Variants in B3GALT5 observed in about 807,000 individuals in gnomAD.
The protein encoded by B3GALT5 is UDP-Gal:betaGlcNAc beta 1,3-galactosyltransferase, polypeptide 5.
For synonymous variants in B3GALT5, 156 were observed against 158.6 expected (o/e 0.98, Z 0.12); for missense variants, 328 against 396.6 (o/e 0.83, Z 1.47).
At chr21:39,655,740 A>G (rs2079436570) in intron 2 of B3GALT5, among the ~76,000 whole-genome samples, 1 of 152,154 alleles carries the variant, frequency 6.6e-6, no homozygotes, top group South Asian at 2.1e-4. Flanking sequence ...CCTCTGAGAA[A>G]GCCCAGGCCT....
rs908936982 is a variant in B3GALT5, at chr21:39,662,940, A to G, written c.*1448A>G. 4 of 162,108 alleles carry G rather than the reference A, an allele frequency of 2.5e-5. No homozygotes were observed. Among genetic ancestry groups the G allele is most frequent in the Admixed American group, 1.3e-4 (2 of 15,286 alleles). 10.0% of individuals were successfully genotyped at this position (162,108 alleles called of 1,614,324 possible). ...TGCAAAATGGTTTTGACCATGTTCA[A>G]TTGCAAAAGTACGTCTGATATCCTA... On this transcript the variant is annotated 3_prime_UTR_variant, in exon 4 of 4. Coordinates refer to ENST00000684187, the MANE Select transcript of B3GALT5 (RefSeq NM_001356336.2).
chr21:39,621,822 A>G (rs2123685876), intron 1 of B3GALT5, among the ~76,000 whole-genome samples: 1 of 151,720 alleles, frequency 6.6e-6, no homozygotes, highest in East Asian at 1.9e-4. Flanking sequence ...GTAAAGTTTT[A>G]TTTGCTTTAT....
rs185880165 is a variant in B3GALT5 at position 39,671,415 on chromosome 21, A to T, written c.*9923A>T. The T allele has an allele frequency of 1.3e-5, 2 of 152,284 alleles. No individual in the cohort carries two copies. The highest frequency in any genetic ancestry group is 2.9e-5 in the Non-Finnish European group (2 of 68,034). 9.4% of individuals were successfully genotyped at this position (152,284 alleles called of 1,614,324 possible). On this transcript the variant is annotated 3_prime_UTR_variant, in exon 4 of 4. Transcript: ENST00000684187. ...TCCTCTCTCTGTTTGGGTCTCTGGC[A>T]TGGTGCCTGCTGGAGAGTAGATACT...
At chr21:39,639,375 C>T (rs1232469291) in intron 1 of B3GALT5, among the ~76,000 whole-genome samples, 7 of 121,494 alleles carry the variant, frequency 5.8e-5, no homozygotes, top group African/African-American at 1.6e-4. Context: ...TCCTTCCTTC[C>T]TTCCTTCCTT....
intron 2 of B3GALT5, chr21:39,657,909 C>G: frequency 8.1e-7 from 1 of 1,231,566 alleles, no homozygotes. Flanking sequence ...GCTTCTGTAG[C>G]ACAGATAGTG....
chr21:39,619,975 T>C (rs1414910896), intron 1 of B3GALT5, among the ~76,000 whole-genome samples: 2 of 152,134 alleles, frequency 1.3e-5, no homozygotes, highest in Non-Finnish European at 2.9e-5. Context: ...GTGTGGCCAA[T>C]TTTTATATTT....
chr21:39,616,720 A>G (rs1169983949), intron 1 of B3GALT5, among the ~76,000 whole-genome samples: 1 of 152,122 alleles, frequency 6.6e-6, no homozygotes, highest in Non-Finnish European at 1.5e-5. Context: ...GATACAGTTT[A>G]TCAGCTTTTC....
chr21:39,647,135 A>G (rs2079348236), intron 2 of B3GALT5, among the ~76,000 whole-genome samples: 1 of 152,140 alleles, frequency 6.6e-6, no homozygotes, highest in Non-Finnish European at 1.5e-5. Flanking sequence ...AAAACTCCAC[A>G]CAGCTGAAAG....
At chr21:39,615,523 G>A (rs909282290) in intron 1 of B3GALT5, among the ~76,000 whole-genome samples, 1 of 152,170 alleles carries the variant, frequency 6.6e-6, no homozygotes, top group Non-Finnish European at 1.5e-5. Context: ...AAGTCGTTTG[G>A]GACCAAGTTG....
At position 39,619,160 on chromosome 21, in the gene B3GALT5, G is replaced by A. The variant is rs1023616187; in HGVS notation, c.-392+6093G>A. Among the ~76,000 whole-genome samples, 4 of 152,078 alleles carry A rather than the reference G, an allele frequency of 2.6e-5. No homozygotes were observed. The South Asian group carries it at 8.3e-4, about 32-fold the overall frequency. On this transcript the variant is annotated intron_variant, in intron 1 of 3. Coordinates refer to ENST00000684187, the MANE Select transcript of B3GALT5 (RefSeq NM_001356336.2). ...ATAATGAGATACCATAGACTGGATG[G>A]CTAAACAACATAAAATTATTTTCTC...
At position 39,666,923 on chromosome 21, in the gene B3GALT5, C is replaced by A. The variant is rs538450118; in HGVS notation, c.*5431C>A. 1.3e-5 allele frequency: 2 copies of A among 152,320 alleles called. No individual in the cohort carries two copies. Among genetic ancestry groups the A allele is most frequent in the African/African-American group, 4.8e-5 (2 of 41,468 alleles). 9.4% of individuals were successfully genotyped at this position (152,320 alleles called of 1,614,324 possible). ...CGAGCCACCTCCTCCTAACTGGTCCCACGGGCCTGTCCCTGCCACTTTCCA... is the reference window on the plus strand; with the variant it reads ...CGAGCCACCTCCTCCTAACTGGTCCAACGGGCCTGTCCCTGCCACTTTCCA... On this transcript the variant is annotated 3_prime_UTR_variant, in exon 4 of 4. Transcript: ENST00000684187.
intron 1 of B3GALT5, among the ~76,000 whole-genome samples, chr21:39,637,160 T>C (rs1448739177): frequency 1.3e-5 from 2 of 152,224 alleles, no homozygotes; most frequent in Non-Finnish European, 2.9e-5. Flanking sequence ...TGTGACGTTT[T>C]CCGAGTCCTA....
chr21:39,657,993 G>A, intron 2 of B3GALT5: 1 of 1,106,282 alleles, frequency 9.0e-7, no homozygotes, highest in Non-Finnish European at 1.1e-6. Flanking sequence ...GCTGGCCTGG[G>A]GTGGCTAGGA....
chr21:39,660,072 T>C (rs1294722151), intron 3 of B3GALT5, among the ~76,000 whole-genome samples, 160 bp downstream of exon 3: 1 of 152,060 alleles, frequency 6.6e-6, no homozygotes, highest in Non-Finnish European at 1.5e-5. Context: ...AATTTGAAGG[T>C]ACTTGTGCAC....
In B3GALT5 at chr21:39,644,886, G is replaced by C. The variant is rs150281678; in HGVS notation, c.-391-1506G>C. ...TCACAGGCTTCTACCTCCCCACCAT[G>C]CTGCACTGACTGTCTTGGGGGGATG... is the stretch of plus-strand genomic sequence containing the variant. On this transcript the variant is annotated intron_variant, in intron 1 of 3. Transcript: ENST00000684187. 6.5e-3 allele frequency among the ~76,000 whole-genome samples: 983 copies of C among 152,198 alleles called. 12 individuals are homozygous for C. Among genetic ancestry groups the C allele is most frequent in the African/African-American group, 0.023 (937 of 41,506 alleles).
chr21:39,624,220 C>T lies in B3GALT5; in HGVS notation c.-392+11153C>T, dbSNP rs1342123687. Among the ~76,000 whole-genome samples, 6 of 152,168 alleles carry T rather than the reference C, an allele frequency of 3.9e-5. No individual in the cohort carries two copies. In the East Asian group the frequency reaches 5.8e-4, roughly 15 times the overall value. On this transcript the variant is annotated intron_variant, in intron 1 of 3. Transcript: ENST00000684187. ...CAGTTCCTCACCCCTTTTCTGCATT[C>T]GCTCCCCCCATAAAACATACATGTA...
chr21:39,665,001 A>G lies in B3GALT5; in HGVS notation c.*3509A>G, dbSNP rs2079566693. 1 of 151,956 alleles carries G rather than the reference A, an allele frequency of 6.6e-6. No individual in the cohort carries two copies. Among genetic ancestry groups the G allele is most frequent in the Non-Finnish European group, 1.5e-5 (1 of 68,098 alleles). The allele number at this position is 151,956 out of a possible 1,614,324, so 9.4% of individuals were successfully genotyped here. A position where few individuals can be genotyped will look rare whatever the true frequency, so the allele number is the denominator to read the frequency against. ...CTTTAAATATGTTGATGATGTTTCC[A>G]TTTATCTCCAGCCTAGAACTCTTTC... On this transcript the variant is annotated 3_prime_UTR_variant, in exon 4 of 4. Transcript: ENST00000684187.
At position 39,661,159 on chromosome 21, in the gene B3GALT5, C is replaced by G; in HGVS notation, c.600C>G (p.Val200=). Residue 200 remains valine, a synonymous_variant, in exon 4 of 4, where the codon GTC becomes GTG. Coordinates refer to ENST00000684187, the MANE Select transcript of B3GALT5 (RefSeq NM_001356336.2). This position sits in a 1 kb window ranked among gnomAD's most constrained non-coding sequence, Gnocchi z 4.7. ...GGCAGCCATTCAGCAAGTGGTTTGTCAGTAAATCTGAATATCCGTGGGACA... is the reference window on the plus strand; with the variant it reads ...GGCAGCCATTCAGCAAGTGGTTTGTGAGTAAATCTGAATATCCGTGGGACA... ...PIRQPFSKWF[V]SKSEYPWDRY... is the part of the protein sequence containing the mutation. The G allele has an allele frequency of 6.2e-7, 1 of 1,613,928 alleles. No individual in the cohort carries two copies. The highest frequency in any genetic ancestry group is 1.1e-5 in the South Asian group (1 of 91,050).
chr21:39,622,570 C>A (rs2079139584), intron 1 of B3GALT5, among the ~76,000 whole-genome samples: 1 of 152,002 alleles, frequency 6.6e-6, no homozygotes, highest in Non-Finnish European at 1.5e-5. Flanking sequence ...TTTTCTCCCC[C>A]TAACTAATAG....
Sources: allele counts gnomAD v4.1 joint callset (sites outside exome capture counted in the v4.1 genomes callset), GRCh38; gene constraint gnomAD v4.1.1; non-coding constraint Gnocchi (gnomAD v3.1); transcripts MANE v1.5; gene names NCBI Gene and HGNC (gene_info 2026-07-23, HGNC 2026-07-21).